The following LAMA3 variants were observed in gnomAD, a reference collection of about 807,000 sequenced individuals.
The protein encoded by LAMA3 is laminin subunit alpha 3, also known as laminin subunit alpha-3.
In LAMA3, 281 loss-of-function variants were observed where a neutral mutation model predicts 402.0. The ratio of observed to expected loss-of-function variants is 0.70; its 90% CI spans 0.63 to 0.77. The LOEUF (loss-of-function observed/expected upper bound fraction) is 0.77. Among genes scored for constraint, LAMA3 ranks in the 30% least tolerant of loss-of-function variants. The pLI is 0.00. For missense variants in LAMA3, 3,840 were observed against 4,215.5 expected (o/e 0.91, Z 2.47); for synonymous variants, 1,431 against 1,558.4 (o/e 0.92, Z 1.93).
chr18:23,829,330 C>T (rs749861663), intron 23 of LAMA3, among the ~76,000 whole-genome samples: 7 of 152,184 alleles, frequency 4.6e-5, no homozygotes, highest in Non-Finnish European at 7.3e-5. Flanking sequence ...ACCTGTCTTT[C>T]TTAATATTCA....
chr18:23,825,369 A>G (rs912271675), intron 21 of LAMA3, among the ~76,000 whole-genome samples: 1 of 152,196 alleles, frequency 6.6e-6, no homozygotes, highest in African/African-American at 2.4e-5. Context: ...GCTTGATTTC[A>G]TGCTCTCAAG....
intron 8 of LAMA3, among the ~76,000 whole-genome samples, chr18:23,765,102 TTACA>T (rs1216060501): frequency 6.6e-6 from 1 of 151,996 alleles, no homozygotes; most frequent in African/African-American, 2.4e-5. Flanking sequence ...ATAGGGTGAG[TTACA>T]TATTTTTATG....
intron 1 of LAMA3, among the ~76,000 whole-genome samples, chr18:23,707,659 A>G (rs1264599383): frequency 6.6e-6 from 1 of 151,300 alleles, no homozygotes; most frequent in African/African-American, 2.4e-5. Flanking sequence ...TACATATTTT[A>G]TTTATTTATT....
intron 39 of LAMA3, among the ~76,000 whole-genome samples, chr18:23,876,992 G>T (rs2064742089): frequency 6.6e-6 from 1 of 152,206 alleles, no homozygotes; most frequent in African/African-American, 2.4e-5. Flanking sequence ...CTGCACTGCA[G>T]CCTGGGCAAC....
At chr18:23,795,688 T>C (rs2062748324) in intron 12 of LAMA3, among the ~76,000 whole-genome samples, 1 of 152,072 alleles carries the variant, frequency 6.6e-6, no homozygotes, top group African/African-American at 2.4e-5. Flanking sequence ...CATATTTGGT[T>C]TCAGGAATAG....
In LAMA3 at chr18:23,747,964, T is replaced by G. The variant is rs749561695; in HGVS notation, c.469T>G (p.Leu157Val). Reference sequence around the variant, plus strand: ...TCAGCTCTTCCATGTGGCCTATATTTTAATCAAATTTGCAAATTCTCCTCG... The same window carrying G: ...TCAGCTCTTCCATGTGGCCTATATTGTAATCAAATTTGCAAATTCTCCTCG... ...LGQLFHVAYI[L>V]IKFANSPRPD... is the part of the protein sequence containing the mutation. Residue 157 changes from leucine to valine, a missense_variant, in exon 3 of 75, where the codon TTA (leucine) becomes GTA (valine). Around this residue, in one of 3 missense-constraint regions of LAMA3, gnomAD observed 2,109 missense variants for 2,376.0 expected, o/e 0.89. Transcript: ENST00000313654. 1.9e-6 allele frequency: 3 copies of G among 1,605,372 alleles called. No individual in the cohort carries two copies. Among genetic ancestry groups the G allele is most frequent in the Non-Finnish European group, 2.6e-6 (3 of 1,172,018 alleles).
chr18:23,726,543 G>A (rs2061303588), intron 2 of LAMA3, among the ~76,000 whole-genome samples: 1 of 152,246 alleles, frequency 6.6e-6, no homozygotes, highest in Admixed American at 6.5e-5. Flanking sequence ...CCTGACACCT[G>A]GCTTGGGCTG....
intron 29 of LAMA3, among the ~76,000 whole-genome samples, chr18:23,844,705 C>CT (rs1371177327): frequency 2.0e-5 from 3 of 152,174 alleles, no homozygotes; most frequent in Non-Finnish European, 4.4e-5. Context: ...TTGAAAATCT[C>CT]TTATCTGAAA....
At chr18:23,716,176 T>TA (rs1456345374) in intron 2 of LAMA3, among the ~76,000 whole-genome samples, 2 of 152,120 alleles carry the variant, frequency 1.3e-5, no homozygotes, top group Non-Finnish European at 2.9e-5. Flanking sequence ...TTTTTTTTTT[T>TA]AGACAGGGTC....
intron 1 of LAMA3, among the ~76,000 whole-genome samples, chr18:23,705,674 T>C (rs1194761063): frequency 2.0e-5 from 3 of 152,024 alleles, no homozygotes; most frequent in Non-Finnish European, 2.9e-5. Context: ...CATGCCACCA[T>C]GCCCAGCTAA....
At chr18:23,752,433 A>G (rs2061770048) in intron 5 of LAMA3, among the ~76,000 whole-genome samples, 1 of 152,176 alleles carries the variant, frequency 6.6e-6, no homozygotes, top group South Asian at 2.1e-4. Context: ...TTTATGGAGT[A>G]TACCACACAC....
At position 23,914,898 on chromosome 18, in the gene LAMA3, A is replaced by C. The variant is rs1455878422; in HGVS notation, c.7644+38A>C. On this transcript the variant is annotated intron_variant, in intron 58 of 74. Transcript: ENST00000313654. ...GTTATTTCACTGAATTAAATATTAA[A>C]ATTTTAATTTGGTATGGTGATGACC... 6 of 1,531,014 alleles carry C rather than the reference A, an allele frequency of 3.9e-6. No homozygotes were observed. The South Asian group carries it at 6.8e-5, about 17-fold the overall frequency. The allele number at this position is 1,531,014 out of a possible 1,614,324, so 94.8% of individuals were successfully genotyped here.
chr18:23,920,658 A>G (rs947020627), intron 60 of LAMA3, among the ~76,000 whole-genome samples: 8 of 152,196 alleles, frequency 5.3e-5, no homozygotes, highest in Non-Finnish European at 1.2e-4. Flanking sequence ...ATCTTTATAC[A>G]CCAGTTATGG....
intron 62 of LAMA3, among the ~76,000 whole-genome samples, chr18:23,926,708 T>G (rs1400657472): frequency 1.3e-5 from 2 of 152,244 alleles, no homozygotes; most frequent in African/African-American, 4.8e-5. Flanking sequence ...AATATTTGCC[T>G]GGACTTCAGT....
intron 42 of LAMA3, among the ~76,000 whole-genome samples, chr18:23,890,483 T>C (rs1199557931): frequency 6.6e-6 from 1 of 152,194 alleles, no homozygotes; most frequent in East Asian, 1.9e-4. Flanking sequence ...AGCTTTCCCG[T>C]GTGTGTCTGA....
chr18:23,939,316 G>A lies in LAMA3; in HGVS notation c.8956G>A (p.Ala2986Thr). ...TCCCAAGACCCAGGCCAATCATGGA[G>A]CCCTCCAGTTTGGGGACATTCCCAC... ...PLPKTQANHG[A>T]LQFGDIPTSH... The change falls in exon 68 of 75, where the codon GCC (alanine) becomes ACC (threonine). Residue 2986 changes from alanine (A) to threonine (T), a missense_variant. By Grantham distance (58) the Ala-to-Thr change is moderately conservative. This residue lies in a region of LAMA3 where 840 missense variants were observed against 981.9 expected (regional missense o/e 0.86). Coordinates refer to ENST00000313654, the MANE Select transcript of LAMA3 (RefSeq NM_198129.4). 6.2e-7 allele frequency: 1 copy of A among 1,614,188 alleles called. No individual in the cohort carries two copies. The highest frequency in any genetic ancestry group is 8.5e-7 in the Non-Finnish European group (1 of 1,180,022).
intron 7 of LAMA3, among the ~76,000 whole-genome samples, 186 bp downstream of exon 7, chr18:23,758,697 A>G (rs950294734): frequency 1.3e-5 from 2 of 152,232 alleles, no homozygotes; most frequent in Non-Finnish European, 2.9e-5. Context: ...TCAGATGTAC[A>G]TTTGAGAAGA....
rs1464029706 is a variant in LAMA3 at position 23,857,832 on chromosome 18, C to T, written c.4137-12C>T. The T allele has an allele frequency of 6.2e-7, 1 of 1,614,210 alleles. No individual in the cohort carries two copies. On this transcript the variant is annotated splice_polypyrimidine_tract_variant and intron_variant, in intron 32 of 74. Transcript: ENST00000313654. ...AAGATGATGATTTTTGCTTCCTTTA[C>T]TTTGTGTACAGATGCAAGCCCAGAA...
At chr18:23,752,420 T>G (rs1009506237) in intron 5 of LAMA3, among the ~76,000 whole-genome samples, 3 of 152,340 alleles carry the variant, frequency 2.0e-5, no homozygotes, top group South Asian at 2.1e-4. Flanking sequence ...ATTAAATAAT[T>G]GTTTTATGGA....
Sources: gnomAD v4.1 joint callset for allele counts (sites outside exome capture counted in the v4.1 genomes callset) on GRCh38, gnomAD v4.1.1 for gene constraint, gnomAD v4.1.1 regional missense constraint, MANE v1.5 for transcripts, NCBI Gene and HGNC (gene_info 2026-07-23, HGNC 2026-07-21) for gene names.